The following EPHA6 variants were observed in gnomAD, a reference collection of about 807,000 sequenced individuals.
EPHA6 encodes ephrin type-A receptor 6.
In EPHA6, 50 loss-of-function variants were observed where a neutral mutation model predicts 112.0. That is an observed-to-expected ratio of 0.45 (90% CI 0.36 to 0.56). The LOEUF (loss-of-function observed/expected upper bound fraction) is 0.56. Among genes scored for constraint, EPHA6 ranks in the 20% least tolerant of loss-of-function variants. The pLI, the probability that EPHA6 is intolerant of heterozygous loss-of-function variation, is 0.00. For synonymous variants in EPHA6, 529 were observed against 490.7 expected (o/e 1.08, Z -1.03); for missense variants, 1,280 against 1,417.4 (o/e 0.90, Z 1.56).
Position 96,987,494 on chromosome 3 carries a change from T to C in EPHA6, c.615T>C (p.Cys205=), listed in dbSNP as rs1397248697. The C allele has an allele frequency of 1.2e-6, 2 of 1,613,934 alleles. No individual in the cohort carries two copies. Among genetic ancestry groups the C allele is most frequent in the Admixed American group, 3.3e-5 (2 of 59,984 alleles). Residue 205 remains cysteine, a synonymous_variant, in exon 3 of 18, where the codon TGT becomes TGC. Transcript: ENST00000389672. ...YVEMKFTLRD[C]NSIPWVLGTC... ...AAATGAAATTCACACTAAGGGATTGTAACAGCATCCCATGGGTCTTGGGGA... is the reference window on the plus strand; with the variant it reads ...AAATGAAATTCACACTAAGGGATTGCAACAGCATCCCATGGGTCTTGGGGA...
At chr3:97,200,087 G>T (rs1203992462) in intron 3 of EPHA6, among the ~76,000 whole-genome samples, 1 of 152,052 alleles carries the variant, frequency 6.6e-6, no homozygotes, top group African/African-American at 2.4e-5. Context: ...GTTAAGGGTG[G>T]CCTCATTGAT....
At chr3:97,664,031 C>T (rs2094188638) in intron 14 of EPHA6, among the ~76,000 whole-genome samples, 1 of 152,172 alleles carries the variant, frequency 6.6e-6, no homozygotes, top group Admixed American at 6.5e-5. Context: ...ACCATTCTAA[C>T]TGGTGTGAGA....
chr3:97,152,548 C>A (rs569750284), intron 3 of EPHA6, among the ~76,000 whole-genome samples: 113 of 151,826 alleles, frequency 7.4e-4, no homozygotes, highest in South Asian at 1.2e-3. Context: ...TTGTCATTAT[C>A]TCTGGTTTCT....
intron 1 of EPHA6, among the ~76,000 whole-genome samples, chr3:96,834,180 G>A (rs527577326): frequency 4.7e-4 from 71 of 152,052 alleles, no homozygotes; most frequent in African/African-American, 1.5e-3. Context: ...ATATACCTCA[G>A]TTTACAGAGT....
chr3:96,937,283 T>G (rs1271761057), intron 2 of EPHA6, among the ~76,000 whole-genome samples: 1 of 152,198 alleles, frequency 6.6e-6, no homozygotes, highest in African/African-American at 2.4e-5. Flanking sequence ...TTCCTGACTT[T>G]TTAATGATCG....
intron 14 of EPHA6, among the ~76,000 whole-genome samples, chr3:97,703,409 T>C (rs560239816): frequency 1.3e-5 from 2 of 152,336 alleles, no homozygotes; most frequent in South Asian, 4.1e-4. Flanking sequence ...TTTTTTCTTC[T>C]TGAATTCTCA....
rs1055096245 is a variant in EPHA6, at chr3:97,313,507, A to T, written c.1606+69220A>T. On this transcript the variant is annotated intron_variant, in intron 5 of 17. Transcript: ENST00000389672. ...TAATTTTCATTCCCACAAACATTGT[A>T]CAAGGGTTCCTTTTTTCCACATCTT... Among the ~76,000 whole-genome samples the T allele has an allele frequency of 4.0e-5, 6 of 151,746 alleles. 1 individual carries two copies. The East Asian group carries it at 9.7e-4, about 25-fold the overall frequency.
chr3:97,293,785 G>A (rs1271421013), intron 5 of EPHA6, among the ~76,000 whole-genome samples: 2 of 152,176 alleles, frequency 1.3e-5, no homozygotes, highest in Non-Finnish European at 2.9e-5. Flanking sequence ...TTCCCACCCA[G>A]GAACACAACT....
intron 11 of EPHA6, among the ~76,000 whole-genome samples, chr3:97,582,729 T>C (rs1296897933): frequency 1.3e-5 from 2 of 152,188 alleles, no homozygotes; most frequent in East Asian, 3.9e-4. Context: ...AATAGTAACA[T>C]GGAAATTAAC....
In EPHA6 at chr3:96,815,017, C is replaced by T. The variant is rs953632033; in HGVS notation, c.385+9C>T. 11 of 1,503,506 alleles carry T rather than the reference C, an allele frequency of 7.3e-6. No individual in the cohort carries two copies. Among genetic ancestry groups the T allele is most frequent in the Non-Finnish European group, 9.8e-6 (11 of 1,119,052 alleles). The allele number at this position is 1,503,506 out of a possible 1,614,324, so 93.1% of individuals were successfully genotyped here. A position where few individuals can be genotyped will look rare whatever the true frequency, so the allele number is the denominator to read the frequency against. ...CGTCTCCAACAACCAAGGTAAGGGACGGGGCGGAGGAGCGGGAGTGGGTGG... is the reference window on the plus strand; with the variant it reads ...CGTCTCCAACAACCAAGGTAAGGGATGGGGCGGAGGAGCGGGAGTGGGTGG... On this transcript the variant is annotated intron_variant, in intron 1 of 17. Transcript: ENST00000389672.
intron 14 of EPHA6, among the ~76,000 whole-genome samples, chr3:97,701,701 CCTT>C (rs1003706288): frequency 1.3e-5 from 2 of 151,436 alleles, no homozygotes; most frequent in Non-Finnish European, 2.9e-5. Context: ...GATATACCTA[CCTT>C]CTTTTTTTAT....
chr3:97,452,758 A>G (rs2090568486), intron 7 of EPHA6, among the ~76,000 whole-genome samples: 1 of 28,416 alleles, frequency 3.5e-5, no homozygotes, highest in Non-Finnish European at 7.6e-5. Flanking sequence ...AGCATTAACC[A>G]TAACACATAT....
At chr3:97,265,845 A>G (rs1043935348) in intron 5 of EPHA6, among the ~76,000 whole-genome samples, 7 of 152,232 alleles carry the variant, frequency 4.6e-5, no homozygotes, top group African/African-American at 1.4e-4. Flanking sequence ...CACTGCTGCT[A>G]TCGGGGTAGC....
chr3:97,243,928 T>C (rs2078917533), intron 4 of EPHA6, 24 bp from the exon 5 acceptor site: 1 of 1,541,042 alleles, frequency 6.5e-7, no homozygotes. Context: ...TATGTACATT[T>C]GTTTTTTAAT....
intron 3 of EPHA6, among the ~76,000 whole-genome samples, chr3:97,003,209 G>A (rs147745378): frequency 0.024 from 3,579 of 152,252 alleles, 146 homozygotes; most frequent in African/African-American, 0.082. Flanking sequence ...CTGGGTTCAA[G>A]AGATTCTGCT....
chr3:97,632,320 G>T (rs1349721008), intron 13 of EPHA6, among the ~76,000 whole-genome samples: 2 of 151,980 alleles, frequency 1.3e-5, no homozygotes, highest in Admixed American at 1.3e-4. Flanking sequence ...GCTAGACCCT[G>T]GGATTACAAG....
intron 3 of EPHA6, among the ~76,000 whole-genome samples, chr3:97,147,045 A>C (rs1011407695): frequency 1.3e-5 from 2 of 151,982 alleles, no homozygotes; most frequent in Non-Finnish European, 2.9e-5. Context: ...GATGTTGGCA[A>C]AGCACGCTGG....
In EPHA6 at chr3:97,749,619, C is replaced by T. The variant is rs889388200; in HGVS notation, c.*918C>T. ...AAGTTTGCAAAAGCAATTATCAAAG[C>T]ACTGAGAAAATTGGTCATTCTCAGT... On this transcript the variant is annotated 3_prime_UTR_variant, in exon 18 of 18. Coordinates refer to ENST00000389672, the MANE Select transcript of EPHA6 (RefSeq NM_001080448.3). Among the ~76,000 whole-genome samples, 2 of 152,104 alleles carry T rather than the reference C, an allele frequency of 1.3e-5. No individual in the cohort carries two copies. Among genetic ancestry groups the T allele is most frequent in the Non-Finnish European group, 2.9e-5 (2 of 68,002 alleles).
At position 97,748,756 on chromosome 3, in the gene EPHA6, C is replaced by A; in HGVS notation, c.*55C>A. Reference sequence around the variant, plus strand: ...TCAGCATTTCTAAAATGAACGATATCCTCTCTACTACTCTCTCTTCTGATT... The same window carrying A: ...TCAGCATTTCTAAAATGAACGATATACTCTCTACTACTCTCTCTTCTGATT... On this transcript the variant is annotated 3_prime_UTR_variant, in exon 18 of 18. Transcript: ENST00000389672. The A allele has an allele frequency of 2.3e-6, 2 of 881,672 alleles. No individual in the cohort carries two copies. Among genetic ancestry groups the A allele is most frequent in the Non-Finnish European group, 1.9e-6 (1 of 528,046 alleles). The allele number at this position is 881,672 out of a possible 1,614,324, so 54.6% of individuals were successfully genotyped here. A position where few individuals can be genotyped will look rare whatever the true frequency, so the allele number is the denominator to read the frequency against.
Sources: allele counts gnomAD v4.1 joint callset (sites outside exome capture counted in the v4.1 genomes callset), GRCh38; gene constraint gnomAD v4.1.1; transcripts MANE v1.5; gene names NCBI Gene and HGNC (gene_info 2026-07-23, HGNC 2026-07-21).